The following CLEC12A variants were observed in gnomAD, a reference collection of about 807,000 sequenced individuals.
The protein encoded by CLEC12A is C-type lectin domain family 12 member A.
CLEC12A carries 22 observed loss-of-function variants against 26.5 expected under a neutral mutation model. The observed-to-expected ratio is 0.83, with a 90% CI of 0.59 to 1.19. The LOEUF (loss-of-function observed/expected upper bound fraction) is 1.19. CLEC12A is among the 50% of genes most tolerant of loss of function. The probability of loss-of-function intolerance (pLI) is 0.00; values close to 1 mark genes in which losing one functional copy is unlikely to be tolerated. For missense variants in CLEC12A, 353 were observed against 315.6 expected, an observed-to-expected ratio of 1.12 and a Z score of -0.90; for synonymous variants, 119 against 101.9, an observed-to-expected ratio of 1.17 and a Z score of -1.01.
At chr12:9,983,640 C>A in intron 5 of CLEC12A, 1 of 624,008 alleles carries the variant, frequency 1.6e-6, no homozygotes, top group South Asian at 1.8e-5. Flanking sequence ...AGCTCTGAGT[C>A]AACTGTGTTG....
chr12:9,984,270 A>T (rs1045325857), intron 5 of CLEC12A: 1 of 152,416 alleles, frequency 6.6e-6, no homozygotes, highest in Non-Finnish European at 1.5e-5. Flanking sequence ...GGTTGATATC[A>T]TTATTTTTTT....
At chr12:9,953,390 CCGTCCGGG>C (rs1863674680) in intron 1 of CLEC12A, 1 of 65,658 alleles carries the variant, frequency 1.5e-5, no homozygotes, top group African/African-American at 5.2e-5. Flanking sequence ...GCCAGCCGCC[CCGTCCGGG>C]AGGGAGGTGG....
chr12:9,981,151 A>G (rs1285888958), intron 4 of CLEC12A, among the ~76,000 whole-genome samples: 1 of 152,174 alleles, frequency 6.6e-6, no homozygotes, highest in Non-Finnish European at 1.5e-5. Flanking sequence ...TCACTAAGAG[A>G]AATAGGCAAG....
the CLEC12A span, among the ~76,000 whole-genome samples, chr12:10,002,547 A>T: frequency 1.8e-4 from 16 of 87,254 alleles, 1 homozygote; most frequent in South Asian, 4.5e-3. Flanking sequence ...GGTTCACCCC[A>T]TTCTCCTGCC....
intron 1 of CLEC12A, among the ~76,000 whole-genome samples, chr12:9,962,342 T>G (rs906914024): frequency 6.6e-6 from 1 of 151,600 alleles, no homozygotes; most frequent in Non-Finnish European, 1.5e-5. Flanking sequence ...AACTTTTAAA[T>G]TATGTGACTC....
intron 1 of CLEC12A, among the ~76,000 whole-genome samples, chr12:9,973,649 TG>T (rs376732927): frequency 2.0e-4 from 30 of 152,180 alleles, no homozygotes; most frequent in African/African-American, 5.5e-4. Flanking sequence ...CACTTTTTTT[TG>T]TTGTTATTTA....
At chr12:9,989,787 A>T (rs980747203), downstream of CLEC12A, among the ~76,000 whole-genome samples, 4 of 152,202 alleles carry the variant, frequency 2.6e-5, no homozygotes, top group African/African-American at 9.7e-5. Context: ...CTAGAGAGGA[A>T]AAGTCAATGG....
chr12:9,997,264 T>C (rs999948129), downstream of CLEC12A: 6 of 1,611,982 alleles, frequency 3.7e-6, no homozygotes, highest in African/African-American at 1.3e-5. Context: ...TTGTAGGTAA[T>C]TGCGCTGCAT....
chr12:9,970,768 C>T (rs190398476), upstream of CLEC12A, among the ~76,000 whole-genome samples: 133 of 152,294 alleles, frequency 8.7e-4, 1 homozygote, highest in African/African-American at 3.1e-3. Context: ...CCTCAGTATA[C>T]AGACCTTGGC....
downstream of CLEC12A, chr12:9,997,204 A>G (rs1195468182): frequency 1.9e-6 from 3 of 1,613,892 alleles, no homozygotes; most frequent in Non-Finnish European, 2.5e-6. Flanking sequence ...ATATTGACAG[A>G]AGCGCTTTGC....
chr12:9,962,481 A>G (rs1863850240), intron 1 of CLEC12A, among the ~76,000 whole-genome samples: 1 of 152,062 alleles, frequency 6.6e-6, no homozygotes, highest in Non-Finnish European at 1.5e-5. Context: ...GCTTTGTGTG[A>G]GCAACAAGGC....
At chr12:9,961,224 G>A (rs1863823504) in intron 1 of CLEC12A, among the ~76,000 whole-genome samples, 1 of 152,208 alleles carries the variant, frequency 6.6e-6, no homozygotes, top group South Asian at 2.1e-4. Context: ...ACTTGAGAGA[G>A]ACTTAAGTAT....
intron 1 of CLEC12A, among the ~76,000 whole-genome samples, chr12:9,962,264 T>C (rs1168379263): frequency 6.6e-6 from 1 of 150,940 alleles, no homozygotes; most frequent in African/African-American, 2.4e-5. Context: ...TTTTTTTTTT[T>C]TTTTTTTGGA....
the CLEC12A span, among the ~76,000 whole-genome samples, chr12:10,002,506 G>A: frequency 4.8e-5 from 2 of 41,568 alleles, no homozygotes; most frequent in African/African-American, 8.8e-5. Context: ...GCAGTGGCGC[G>A]ATCTCGGCTC....
intron 1 of CLEC12A, among the ~76,000 whole-genome samples, chr12:9,975,974 G>A (rs1172527077): frequency 6.6e-6 from 1 of 152,228 alleles, no homozygotes; most frequent in Non-Finnish European, 1.5e-5. Context: ...CTTCCATGTG[G>A]TGTTGAGCCT....
At position 9,962,028 on chromosome 12, in the gene CLEC12A, T is replaced by A. The variant is rs552663722; in HGVS notation, c.11-9549T>A. Among the ~76,000 whole-genome samples, 303 of 152,304 alleles carry A rather than the reference T, an allele frequency of 2.0e-3. 1 individual carries two copies. Among genetic ancestry groups the A allele is most frequent in the African/African-American group, 7.0e-3 (290 of 41,554 alleles). On this transcript the variant is annotated intron_variant, in intron 1 of 6. Coordinates refer to the CLEC12A transcript ENST00000355690. ...TGGATATGGAGTTGTTCTCGCTGAGTGTACCTCCAGGGAGGCAGCCTTCAT... is the reference window on the plus strand; with the variant it reads ...TGGATATGGAGTTGTTCTCGCTGAGAGTACCTCCAGGGAGGCAGCCTTCAT...
exon 5 of CLEC12A, chr12:9,995,332 A>C: frequency 8.9e-7 from 1 of 1,123,858 alleles, no homozygotes. Flanking sequence ...AAGACGTTGG[A>C]CAAAAAATGT....
chr12:9,986,562 G>A (rs1864772996), downstream of CLEC12A, among the ~76,000 whole-genome samples: 1 of 152,160 alleles, frequency 6.6e-6, no homozygotes, highest in Non-Finnish European at 1.5e-5. Context: ...TGTAATCCCA[G>A]CACGTTGGGA....
At chr12:9,951,533 G>C (rs1863609460) in intron 1 of CLEC12A, 4 of 605,372 alleles carry the variant, frequency 6.6e-6, no homozygotes, top group Non-Finnish European at 1.2e-5. Flanking sequence ...GTCTGGATAA[G>C]TGAGTGTCAT....
Sources: gnomAD v4.1 joint callset for allele counts (sites outside exome capture counted in the v4.1 genomes callset) on GRCh38, gnomAD v4.1.1 for gene constraint, MANE v1.5 for transcripts, NCBI Gene and HGNC (gene_info 2026-07-23, HGNC 2026-07-21) for gene names.